The following TNFRSF9 variants were observed in gnomAD, a reference collection of about 807,000 sequenced individuals.
TNFRSF9 encodes tumor necrosis factor receptor superfamily member 9.
TNFRSF9 carries 16 observed loss-of-function variants against 28.8 expected under a neutral mutation model. The ratio of observed to expected loss-of-function variants is 0.55; its 90% CI spans 0.38 to 0.84. The LOEUF (loss-of-function observed/expected upper bound fraction) is 0.84, where lower values mean the gene tolerates loss of function less well. TNFRSF9 is among the 40% of genes least tolerant of loss of function. The pLI, the probability that TNFRSF9 is intolerant of heterozygous loss-of-function variation, is 0.00. For synonymous variants in TNFRSF9, 131 were observed against 117.0 expected (o/e 1.12, Z -0.77); for missense variants, 303 against 315.0 (o/e 0.96, Z 0.29).
At position 7,938,274 on chromosome 1, in the gene TNFRSF9, T is replaced by G. The variant is rs752678621; in HGVS notation, c.265A>C (p.Thr89Pro). Residue 89 changes from threonine (T) to proline (P), a missense_variant, in exon 4 of 8, where the codon ACT (threonine) becomes CCT (proline). By Grantham distance (38) the Thr-to-Pro change is conservative. Coordinates refer to ENST00000377507, the MANE Select transcript of TNFRSF9 (RefSeq NM_001561.6). ...SSTSNAECDC[T>P]PGFHCLGAGC... ...GCCCCCAGGCAGTGAAACCCTGGAGTGCAGTCACACTCTGCATTGCTGGTG... is the reference window on the plus strand; with the variant it reads ...GCCCCCAGGCAGTGAAACCCTGGAGGGCAGTCACACTCTGCATTGCTGGTG... The G allele has an allele frequency of 6.1e-5, 98 of 1,608,942 alleles. No homozygotes were observed. In the South Asian group the frequency reaches 6.5e-4, roughly 11 times the overall value.
intron 2 of TNFRSF9, among the ~76,000 whole-genome samples, chr1:7,939,363 A>G (rs55666778): frequency 1.7e-4 from 26 of 151,908 alleles, no homozygotes; most frequent in African/African-American, 5.8e-4. Context: ...AAACAAAAAA[A>G]CCAGATATTG....
chr1:7,932,101 C>T lies in TNFRSF9; in HGVS notation c.679+1061G>A, dbSNP rs980103171. Among the ~76,000 whole-genome samples the T allele has an allele frequency of 1.5e-4, 23 of 152,220 alleles. 1 individual carries two copies. The highest frequency in any genetic ancestry group is 1.2e-3 in the Admixed American group (19 of 15,298). ...GCGGTAAGCCGGGATCACGCCATTG[C>T]ACTCCAGCCTGGGCAACAAGAGTGA... On this transcript the variant is annotated intron_variant, in intron 7 of 7. Transcript: ENST00000377507.
intron 4 of TNFRSF9, 118 bp from the exon 5 acceptor site, chr1:7,937,874 T>C: frequency 1.1e-6 from 1 of 900,496 alleles, no homozygotes; most frequent in South Asian, 1.6e-5. Context: ...AATTGTTCAA[T>C]AATTCTTGAA....
In TNFRSF9 at chr1:7,938,341, C is replaced by T. The variant is rs1304431837; in HGVS notation, c.209-11G>A. 2.5e-6 allele frequency: 4 copies of T among 1,582,826 alleles called. No individual in the cohort carries two copies. The highest frequency in any genetic ancestry group is 3.4e-6 in the Non-Finnish European group (4 of 1,165,398). On this transcript the variant is annotated splice_polypyrimidine_tract_variant and intron_variant, in intron 3 of 7. Transcript: ENST00000377507. ...TGGTCCTGAAAACACCTACAAAGTCCCCCCAGCCCCCAACATTTTATTACA... is the reference window on the plus strand; with the variant it reads ...TGGTCCTGAAAACACCTACAAAGTCTCCCCAGCCCCCAACATTTTATTACA...
chr1:7,924,303 A>G (rs1639605137), intron 7 of TNFRSF9, among the ~76,000 whole-genome samples: 1 of 4,610 alleles, frequency 2.2e-4, no homozygotes, highest in Admixed American at 4.9e-3. Context: ...CCATATATAT[A>G]TATATATATA....
chr1:7,923,065 G>C (rs530800345), intron 7 of TNFRSF9, among the ~76,000 whole-genome samples: 3 of 151,710 alleles, frequency 2.0e-5, no homozygotes, highest in Non-Finnish European at 4.4e-5. Flanking sequence ...ACCAGGCCCG[G>C]CTAATTTTTG....
chr1:7,931,914 C>T (rs1310167150), intron 7 of TNFRSF9, among the ~76,000 whole-genome samples: 3 of 152,300 alleles, frequency 2.0e-5, no homozygotes, highest in East Asian at 3.9e-4. Flanking sequence ...GAGGCTGAGG[C>T]GGGCGGATCA....
At chr1:7,921,858 A>G (rs1205618935) in intron 7 of TNFRSF9, 1 of 152,168 alleles carries the variant, frequency 6.6e-6, no homozygotes, top group African/African-American at 2.4e-5. Flanking sequence ...TTAAGCATGA[A>G]TCACTAAACC....
intron 7 of TNFRSF9, among the ~76,000 whole-genome samples, chr1:7,932,011 C>T (rs1398253879): frequency 2.6e-5 from 4 of 152,108 alleles, no homozygotes; most frequent in African/African-American, 9.7e-5. Flanking sequence ...GGTGTGGTGG[C>T]GCATGCCTGT....
At chr1:7,937,463 T>C (rs1243135756) in intron 5 of TNFRSF9, among the ~76,000 whole-genome samples, 1 of 152,168 alleles carries the variant, frequency 6.6e-6, no homozygotes, top group East Asian at 1.9e-4. Context: ...GTGCCCAGCC[T>C]CCACTGGCAA....
intron 5 of TNFRSF9, 107 bp from the exon 6 acceptor site, chr1:7,935,250 T>A (rs149446994): frequency 4.7e-6 from 6 of 1,287,114 alleles, no homozygotes; most frequent in Non-Finnish European, 6.4e-6. Flanking sequence ...GTGAAAAAGA[T>A]ATATGGGTCT....
intron 7 of TNFRSF9, among the ~76,000 whole-genome samples, chr1:7,931,852 A>G (rs1174968061): frequency 6.6e-6 from 1 of 152,250 alleles, no homozygotes; most frequent in Non-Finnish European, 1.5e-5. Flanking sequence ...TTATTAGATA[A>G]GACTTTACTG....
At chr1:7,934,448 C>T (rs1256227473) in intron 6 of TNFRSF9, among the ~76,000 whole-genome samples, 1 of 151,176 alleles carries the variant, frequency 6.6e-6, no homozygotes, top group African/African-American at 2.4e-5. Context: ...TGGTGGCTCA[C>T]ACCTGTAATC....
intron 7 of TNFRSF9, among the ~76,000 whole-genome samples, chr1:7,927,987 C>A (rs1434478367): frequency 6.6e-6 from 1 of 152,018 alleles, no homozygotes; most frequent in Non-Finnish European, 1.5e-5. Context: ...AACAAATAAT[C>A]CAACTAGAAA....
intron 2 of TNFRSF9, among the ~76,000 whole-genome samples, chr1:7,939,408 C>A (rs1319343798): frequency 6.6e-6 from 1 of 151,806 alleles, no homozygotes. Context: ...AATACTTTAT[C>A]TATTGAATAA....
In TNFRSF9 at chr1:7,936,994, G is replaced by C. The variant is rs6692619; in HGVS notation, c.413+696C>G. Among the ~76,000 whole-genome samples the C allele has an allele frequency of 5.1e-3, 778 of 152,314 alleles. 5 individuals are homozygous for C. The highest frequency in any genetic ancestry group is 0.018 in the African/African-American group (751 of 41,564). ...GCTTTTTACCACCTGTGATGGCCTTGTGTGCCCAAGTCTGTGCCACATTTT... is the reference window on the plus strand; with the variant it reads ...GCTTTTTACCACCTGTGATGGCCTTCTGTGCCCAAGTCTGTGCCACATTTT... On this transcript the variant is annotated intron_variant, in intron 5 of 7. Coordinates refer to ENST00000377507, the MANE Select transcript of TNFRSF9 (RefSeq NM_001561.6).
intron 7 of TNFRSF9, among the ~76,000 whole-genome samples, chr1:7,924,727 TCATAGGAGATGACAGCTA>T (rs1368613359): frequency 1.3e-5 from 2 of 152,180 alleles, no homozygotes. Context: ...GACATTGTTC[TCATAGGAGATGACAGCTA>T]CATGCATGTT....
rs564756998 is a variant in TNFRSF9, at chr1:7,937,776, C to A, written c.347-20G>T. 3.7e-6 allele frequency: 6 copies of A among 1,600,192 alleles called. No homozygotes were observed. Among genetic ancestry groups the A allele is most frequent in the African/African-American group, 1.3e-5 (1 of 74,648 alleles). Reference sequence around the variant, plus strand: ...TACAACCTTGTATTAAAAATGAAAGCAATAATAAAAGGGAAGCATTTTCAT... The same window carrying A: ...TACAACCTTGTATTAAAAATGAAAGAAATAATAAAAGGGAAGCATTTTCAT... On this transcript the variant is annotated intron_variant, in intron 4 of 7. Coordinates refer to ENST00000377507, the MANE Select transcript of TNFRSF9 (RefSeq NM_001561.6).
chr1:7,922,378 A>G (rs1639572546), intron 7 of TNFRSF9, among the ~76,000 whole-genome samples: 1 of 152,302 alleles, frequency 6.6e-6, no homozygotes, highest in East Asian at 1.9e-4. Context: ...AAAGGCAGAG[A>G]GAGGAAGGCC....
Sources: allele counts gnomAD v4.1 joint callset (sites outside exome capture counted in the v4.1 genomes callset), GRCh38; gene constraint gnomAD v4.1.1; transcripts MANE v1.5; gene names NCBI Gene and HGNC (gene_info 2026-07-23, HGNC 2026-07-21).